DCDC1: variants seen among roughly 807,000 people sequenced by gnomAD.
The protein encoded by DCDC1 is doublecortin domain-containing protein 1.
In DCDC1, 200 loss-of-function variants were observed where a neutral mutation model predicts 178.3. The observed-to-expected ratio is 1.12, with a 90% CI of 1.00 to 1.26. The LOEUF is 1.26. DCDC1 is among the 50% of genes most tolerant of loss of function. DCDC1 has a pLI of 0.00. For missense variants in DCDC1, 1,983 were observed against 1,749.2 expected, an observed-to-expected ratio of 1.13 and a Z score of -2.38; for synonymous variants, 690 against 604.8, an observed-to-expected ratio of 1.14 and a Z score of -2.07.
chr11:30,886,153 A>C (rs1034828355), intron 36 of DCDC1, among the ~76,000 whole-genome samples: 3 of 152,124 alleles, frequency 2.0e-5, no homozygotes, highest in African/African-American at 7.2e-5. Context: ...AAATATATAC[A>C]CCAAAATTGT....
intron 36 of DCDC1, among the ~76,000 whole-genome samples, chr11:30,891,587 G>A (rs1196332729): frequency 6.6e-6 from 1 of 152,120 alleles, no homozygotes; most frequent in Non-Finnish European, 1.5e-5. Context: ...CATGAACTCT[G>A]ATTTTTGAAA....
chr11:30,989,534 C>A (rs1950854455), intron 20 of DCDC1, among the ~76,000 whole-genome samples: 1 of 152,108 alleles, frequency 6.6e-6, no homozygotes, highest in Non-Finnish European at 1.5e-5. Context: ...AGAAATGCAA[C>A]CATATTGCAT....
chr11:31,213,362 T>C (rs924241009), intron 9 of DCDC1, among the ~76,000 whole-genome samples: 1 of 151,854 alleles, frequency 6.6e-6, no homozygotes, highest in Non-Finnish European at 1.5e-5. Context: ...AGTCTATTTA[T>C]CAATTTGTTT....
intron 36 of DCDC1, among the ~76,000 whole-genome samples, chr11:30,887,194 G>C (rs1349125256): frequency 6.6e-6 from 1 of 152,114 alleles, no homozygotes; most frequent in Non-Finnish European, 1.5e-5. Context: ...ACTAAGCTCT[G>C]GCTGAAGAAC....
At chr11:31,311,365 T>C (rs1948763824) in intron 3 of DCDC1, among the ~76,000 whole-genome samples, 1 of 152,048 alleles carries the variant, frequency 6.6e-6, no homozygotes, top group African/African-American at 2.4e-5. Context: ...GAAAATATAA[T>C]TGGGTGGGGA....
chr11:31,170,503 G>T (rs952714781), intron 9 of DCDC1, among the ~76,000 whole-genome samples: 1 of 152,122 alleles, frequency 6.6e-6, no homozygotes, highest in East Asian at 1.9e-4. Flanking sequence ...ACCTCTTGAG[G>T]CTTCTGTTTT....
intron 9 of DCDC1, among the ~76,000 whole-genome samples, chr11:31,223,569 G>A (rs1226980258): frequency 6.6e-6 from 1 of 152,088 alleles, no homozygotes; most frequent in Non-Finnish European, 1.5e-5. Context: ...TAGGAGCATT[G>A]TTTGTTACAG....
At position 30,917,031 on chromosome 11, in the gene DCDC1, A is replaced by G; in HGVS notation, c.3294-3T>C. Reference sequence around the variant, plus strand: ...GATGAGCTCTTACGTGTGAATCTCTATCAAGGTTCAGAAGCAAACATAAGT... The same window carrying G: ...GATGAGCTCTTACGTGTGAATCTCTGTCAAGGTTCAGAAGCAAACATAAGT... On this transcript the variant is annotated splice_region_variant and splice_polypyrimidine_tract_variant and intron_variant, in intron 25 of 38. Coordinates refer to ENST00000684477, the MANE Select transcript of DCDC1 (RefSeq NM_001387274.1). 1 of 1,588,620 alleles carries G rather than the reference A, an allele frequency of 6.3e-7. No individual in the cohort carries two copies. The highest frequency in any genetic ancestry group is 1.8e-5 in the Admixed American group (1 of 55,308).
chr11:31,263,130 T>C, intron 8 of DCDC1: 3 of 1,564,018 alleles, frequency 1.9e-6, no homozygotes, highest in East Asian at 2.3e-5. Context: ...ATAAACTTTC[T>C]AAATATAAAT....
chr11:31,054,113 A>T (rs1284624135), intron 20 of DCDC1, among the ~76,000 whole-genome samples: 1 of 152,132 alleles, frequency 6.6e-6, no homozygotes, highest in Non-Finnish European at 1.5e-5. Flanking sequence ...CTAATAAAAG[A>T]ATTCGGCAAA....
chr11:31,290,511 A>C (rs1565558213), intron 7 of DCDC1, 136 bp downstream of exon 7: 2 of 925,852 alleles, frequency 2.2e-6, no homozygotes, highest in Non-Finnish European at 3.2e-6. Flanking sequence ...TTTATACAGA[A>C]TTTTTTAGTT....
chr11:31,081,615 A>AG lies in DCDC1; in HGVS notation c.2238-3691_2238-3690insC, dbSNP rs1401253790. ...ACAAGAGTGAAACTCCATCTCAAAA[A>AG]AAAAAGAAAAGAAAAGAAAAGAAAT... On this transcript the variant is annotated intron_variant, in intron 17 of 38. Transcript: ENST00000684477. Among the ~76,000 whole-genome samples the AG allele has an allele frequency of 2.0e-3, 300 of 152,292 alleles. 1 individual carries two copies. Among genetic ancestry groups the AG allele is most frequent in the African/African-American group, 6.9e-3 (288 of 41,574 alleles).
chr11:31,341,810 T>TACACACAC (rs775832478), intron 1 of DCDC1, among the ~76,000 whole-genome samples: 1 of 62,588 alleles, frequency 1.6e-5, no homozygotes, highest in Non-Finnish European at 3.0e-5. Context: ...AATGCATGAC[T>TACACACAC]ATACACACAC....
At chr11:31,336,814 T>G (rs1016399895) in intron 1 of DCDC1, among the ~76,000 whole-genome samples, 28 of 152,310 alleles carry the variant, frequency 1.8e-4, no homozygotes, top group Non-Finnish European at 1.6e-4. Flanking sequence ...CAATGGCATG[T>G]TAGTGGAGAT....
intron 20 of DCDC1, among the ~76,000 whole-genome samples, chr11:30,957,051 C>T (rs1421087267): frequency 1.3e-5 from 2 of 152,158 alleles, no homozygotes; most frequent in African/African-American, 4.8e-5. Flanking sequence ...TACCTCTGTA[C>T]CCATACACTC....
At chr11:31,224,165 ACT>A (rs1974630092) in intron 9 of DCDC1, among the ~76,000 whole-genome samples, 3 of 151,324 alleles carry the variant, frequency 2.0e-5, no homozygotes, top group Non-Finnish European at 4.4e-5. Flanking sequence ...TTCAATTAAA[ACT>A]CTTTTTCTTC....
intron 20 of DCDC1, among the ~76,000 whole-genome samples, chr11:31,054,244 G>GAAAAAAAAA (rs58611104): frequency 1.7e-5 from 2 of 119,074 alleles, no homozygotes; most frequent in Non-Finnish European, 3.6e-5. Context: ...AAGGAAAAAA[G>GAAAAAAAAA]AAAAAAAAAA....
At chr11:31,062,403 C>T (rs1446511163) in intron 20 of DCDC1, among the ~76,000 whole-genome samples, 3 of 152,118 alleles carry the variant, frequency 2.0e-5, no homozygotes. Context: ...AAGGGAATTA[C>T]ATTCTAGTGA....
chr11:31,348,193 A>G (rs1950905254), intron 1 of DCDC1, among the ~76,000 whole-genome samples: 1 of 152,186 alleles, frequency 6.6e-6, no homozygotes, highest in South Asian at 2.1e-4. Flanking sequence ...TATCATCAAA[A>G]TTTCTTACAA....
Sources: gnomAD v4.1 joint callset for allele counts (sites outside exome capture counted in the v4.1 genomes callset) on GRCh38, gnomAD v4.1.1 for gene constraint, MANE v1.5 for transcripts, NCBI Gene and HGNC (gene_info 2026-07-23, HGNC 2026-07-21) for gene names.